Variants in OLFM3 observed in about 807,000 individuals in gnomAD.
OLFM3 encodes the protein noelin-3.
In OLFM3, 20 loss-of-function variants were observed where a neutral mutation model predicts 48.6. The ratio of observed to expected loss-of-function variants is 0.41; its 90% CI spans 0.29 to 0.60. OLFM3 has a LOEUF of 0.60. Among genes scored for constraint, OLFM3 ranks in the 20% least tolerant of loss-of-function variants. The pLI is 0.28. For synonymous variants in OLFM3, 222 were observed against 198.1 expected (o/e 1.12, Z -1.01); for missense variants, 437 against 544.3 (o/e 0.80, Z 1.96).
intron 1 of OLFM3, among the ~76,000 whole-genome samples, chr1:101,889,005 A>G (rs1331170749): frequency 1.3e-5 from 2 of 151,992 alleles, no homozygotes; most frequent in Admixed American, 6.6e-5. Context: ...GGAAACAACA[A>G]GTGCTGGAGA....
At chr1:101,940,506 T>G (rs1171159483) in intron 1 of OLFM3, among the ~76,000 whole-genome samples, 5 of 151,718 alleles carry the variant, frequency 3.3e-5, no homozygotes, top group Admixed American at 6.6e-5. Context: ...ATCATCTATC[T>G]CTGTCTACCT....
At chr1:101,950,027 T>TA (rs68119821) in intron 1 of OLFM3, among the ~76,000 whole-genome samples, 2,689 of 129,068 alleles carry the variant, frequency 0.021, 52 homozygotes, top group African/African-American at 0.06. Flanking sequence ...GACTCCGTCT[T>TA]AAAAAAAAAA....
chr1:101,991,016 A>AAAAATATATATATATAT (rs1553186119), intron 1 of OLFM3, among the ~76,000 whole-genome samples: 1 of 32,220 alleles, frequency 3.1e-5, no homozygotes, highest in Non-Finnish European at 5.2e-5. Flanking sequence ...AAAAAAAAAA[A>AAAAATATATATATATAT]ATATATATAT....
chr1:101,828,069 T>TCTCTCTCTCTCTCC (rs1654969358), intron 3 of OLFM3, among the ~76,000 whole-genome samples: 1 of 151,520 alleles, frequency 6.6e-6, no homozygotes, highest in Non-Finnish European at 1.5e-5. Context: ...TCTCTCTGTC[T>TCTCTCTCTCTCTCC]CTCTCTCTCT....
chr1:101,838,547 G>A (rs1399213712), intron 1 of OLFM3, among the ~76,000 whole-genome samples: 1 of 152,190 alleles, frequency 6.6e-6, no homozygotes, highest in African/African-American at 2.4e-5. Flanking sequence ...ATGTAGACTT[G>A]AAATTCTGTA....
intron 1 of OLFM3, among the ~76,000 whole-genome samples, chr1:101,936,036 G>A (rs1372921672): frequency 6.6e-6 from 1 of 151,970 alleles, no homozygotes; most frequent in Non-Finnish European, 1.5e-5. Context: ...GGCAAAAGCT[G>A]GAACATTCCC....
At chr1:101,860,260 C>T (rs895981698) in intron 1 of OLFM3, among the ~76,000 whole-genome samples, 1 of 151,926 alleles carries the variant, frequency 6.6e-6, no homozygotes, top group Non-Finnish European at 1.5e-5. Context: ...ACCAATATTT[C>T]TTAGAAGTAA....
At chr1:101,829,609 C>T (rs536169871) in intron 3 of OLFM3, among the ~76,000 whole-genome samples, 1 of 152,214 alleles carries the variant, frequency 6.6e-6, no homozygotes, top group African/African-American at 2.4e-5. Context: ...TAGCTCCCCA[C>T]CAGCCACCAC....
At position 101,829,985 on chromosome 1, in the gene OLFM3, C is replaced by T. The variant is rs112971136; in HGVS notation, c.372+687G>A. 8.9e-4 allele frequency among the ~76,000 whole-genome samples: 136 copies of T among 152,082 alleles called. 1 individual carries two copies. Among genetic ancestry groups the T allele is most frequent in the Non-Finnish European group, 1.8e-3 (119 of 67,970 alleles). Reference sequence around the variant, plus strand: ...GAGTAGCTGGGACTACAGGCGCCCACCACCACACCCGGCTAATTTTTTTTT... The same window carrying T: ...GAGTAGCTGGGACTACAGGCGCCCATCACCACACCCGGCTAATTTTTTTTT... On this transcript the variant is annotated intron_variant, in intron 3 of 5. Coordinates refer to ENST00000370103, the MANE Select transcript of OLFM3 (RefSeq NM_058170.4).
chr1:101,889,007 T>G lies in OLFM3; in HGVS notation c.70-51982A>C, dbSNP rs188027072. 5.6e-4 allele frequency among the ~76,000 whole-genome samples: 86 copies of G among 152,240 alleles called. 1 individual carries two copies. The East Asian group carries it at 0.015, about 27-fold the overall frequency. On this transcript the variant is annotated intron_variant, in intron 1 of 5. Coordinates refer to ENST00000370103, the MANE Select transcript of OLFM3 (RefSeq NM_058170.4). The stretch of plus-strand genomic sequence containing the variant: ...CATTAAAAAGTCAGGAAACAACAAG[T>G]GCTGGAGAGGATGTGGAGAAATAGG...
At chr1:101,953,702 G>A (rs950350585) in intron 1 of OLFM3, among the ~76,000 whole-genome samples, 1 of 152,162 alleles carries the variant, frequency 6.6e-6, no homozygotes, top group Admixed American at 6.5e-5. Context: ...AGTCCAGTAA[G>A]TGACTAGCTT....
intron 1 of OLFM3, among the ~76,000 whole-genome samples, chr1:101,874,802 C>T (rs959074592): frequency 6.6e-6 from 1 of 151,990 alleles, no homozygotes; most frequent in Admixed American, 6.6e-5. Context: ...ATCTGCAAAT[C>T]TAACTTTAAG....
At chr1:101,813,499 C>T (rs1374933204) in intron 4 of OLFM3, among the ~76,000 whole-genome samples, 1 of 152,110 alleles carries the variant, frequency 6.6e-6, no homozygotes, top group Non-Finnish European at 1.5e-5. Context: ...CCATAGCTCA[C>T]CGATTTGTTC....
intron 1 of OLFM3, among the ~76,000 whole-genome samples, chr1:101,954,746 G>A (rs1279063212): frequency 6.6e-6 from 1 of 152,058 alleles, no homozygotes; most frequent in Non-Finnish European, 1.5e-5. Context: ...TTCTATCCTA[G>A]AGGAGGAGGA....
chr1:101,919,394 C>A (rs12078053), intron 1 of OLFM3, among the ~76,000 whole-genome samples: 4,119 of 152,142 alleles, frequency 0.027, 203 homozygotes, highest in African/African-American at 0.094. Context: ...TATACGGAAA[C>A]GTAATTTTAG....
chr1:101,915,258 G>A, intron 1 of OLFM3, among the ~76,000 whole-genome samples: 1 of 151,914 alleles, frequency 6.6e-6, no homozygotes, highest in East Asian at 1.9e-4. Flanking sequence ...TTTTTGGAGT[G>A]CTTTATTTAA....
intron 1 of OLFM3, among the ~76,000 whole-genome samples, chr1:101,934,835 C>T (rs1430657959): frequency 6.6e-6 from 1 of 151,984 alleles, no homozygotes; most frequent in Non-Finnish European, 1.5e-5. Context: ...CATGCAATTA[C>T]AGGGAAATTA....
intron 1 of OLFM3, among the ~76,000 whole-genome samples, chr1:101,842,906 A>G (rs1450554913): frequency 6.6e-6 from 1 of 152,202 alleles, no homozygotes; most frequent in Non-Finnish European, 1.5e-5. Context: ...CTCTGTCACC[A>G]TCAAGATTTG....
At chr1:101,939,376 C>T (rs1254722948) in intron 1 of OLFM3, among the ~76,000 whole-genome samples, 1 of 151,940 alleles carries the variant, frequency 6.6e-6, no homozygotes, top group Non-Finnish European at 1.5e-5. Flanking sequence ...GTTCATCCAA[C>T]AAACATGTTC....
Sources: gnomAD v4.1 joint callset for allele counts (sites outside exome capture counted in the v4.1 genomes callset) on GRCh38, gnomAD v4.1.1 for gene constraint, MANE v1.5 for transcripts, NCBI Gene and HGNC (gene_info 2026-07-23, HGNC 2026-07-21) for gene names.